Variants in CFAP61 observed in about 807,000 individuals in gnomAD.
The protein encoded by CFAP61 is cilia- and flagella-associated protein 61.
Under a neutral mutation model 135.6 loss-of-function variants are expected in CFAP61, and 107 were observed. The ratio of observed to expected loss-of-function variants is 0.79; its 90% confidence interval spans 0.67 to 0.93. The LOEUF (loss-of-function observed/expected upper bound fraction) is 0.93, where lower values mean the gene tolerates loss of function less well. Among genes scored for constraint, CFAP61 ranks in the 40% least tolerant of loss-of-function variants. The pLI is 0.00. For synonymous variants in CFAP61, 575 were observed against 578.5 expected (o/e 0.99, Z 0.09); for missense variants, 1,507 against 1,556.2 (o/e 0.97, Z 0.53).
At chr20:20,318,650 A>G (rs1308991785) in intron 25 of CFAP61, among the ~76,000 whole-genome samples, 6 of 152,110 alleles carry the variant, frequency 3.9e-5, no homozygotes, top group African/African-American at 1.4e-4. Context: ...TATTTAGAGG[A>G]TAGAGCACCC....
chr20:20,326,362 A>G (rs1393668652), intron 25 of CFAP61, among the ~76,000 whole-genome samples: 2 of 152,208 alleles, frequency 1.3e-5, no homozygotes, highest in Non-Finnish European at 2.9e-5. Context: ...TCTAACAAAG[A>G]AGAATAACAA....
Position 20,196,618 on chromosome 20 carries a change from T to G in CFAP61, c.1639T>G (p.Phe547Val). Residue 547 changes from phenylalanine (F) to valine (V), a missense_variant, in exon 16 of 27, where the codon TTC becomes GTC. By Grantham distance (50) the Phe-to-Val change is conservative. Transcript: ENST00000245957. Reference protein sequence around the residue: ...SHYNIEDFIYFSHHQREEHGH... With the variant: ...SHYNIEDFIYVSHHQREEHGH... Reference sequence around the variant, plus strand: ...TTACAACATTGAAGATTTCATCTACTTCAGTCACCACCAGCGCGAAGAACA... The same window carrying G: ...TTACAACATTGAAGATTTCATCTACGTCAGTCACCACCAGCGCGAAGAACA... 1 of 1,614,186 alleles carries G rather than the reference T, an allele frequency of 6.2e-7. No individual in the cohort carries two copies. Among genetic ancestry groups the G allele is most frequent in the Non-Finnish European group, 8.5e-7 (1 of 1,180,030 alleles).
At chr20:20,281,432 GTTTGT>G (rs1167022423) in intron 22 of CFAP61, among the ~76,000 whole-genome samples, 1 of 152,040 alleles carries the variant, frequency 6.6e-6, no homozygotes, top group Non-Finnish European at 1.5e-5. Flanking sequence ...TCCATTCCTA[GTTTGT>G]TTAGAGGTTT....
chr20:20,313,187 TTCTC>T (rs912837059), intron 25 of CFAP61, among the ~76,000 whole-genome samples: 17 of 152,178 alleles, frequency 1.1e-4, no homozygotes, highest in African/African-American at 2.4e-4. Flanking sequence ...CTGTCTCTGA[TTCTC>T]TCTCTATCTC....
chr20:20,110,715 T>A (rs1254662042), intron 8 of CFAP61, among the ~76,000 whole-genome samples: 1 of 152,114 alleles, frequency 6.6e-6, no homozygotes, highest in East Asian at 1.9e-4. Flanking sequence ...GAGCGCAGCA[T>A]AGAAGATGAG....
intron 2 of CFAP61, among the ~76,000 whole-genome samples, chr20:20,065,651 T>C (rs930546270): frequency 6.6e-6 from 1 of 150,972 alleles, no homozygotes; most frequent in African/African-American, 2.4e-5. Flanking sequence ...TTGTGGTCTG[T>C]GTGTTTGGTT....
intron 26 of CFAP61, among the ~76,000 whole-genome samples, chr20:20,355,978 T>C (rs1437427914): frequency 2.0e-4 from 2 of 9,774 alleles, no homozygotes; most frequent in Non-Finnish European, 2.8e-3. Context: ...GATCACACTG[T>C]GAGGGGACGT....
intron 25 of CFAP61, among the ~76,000 whole-genome samples, chr20:20,308,996 C>A (rs2056651135): frequency 6.6e-6 from 1 of 152,156 alleles, no homozygotes; most frequent in African/African-American, 2.4e-5. Flanking sequence ...GTTGTTGGAA[C>A]TGTGAAAATA....
intron 7 of CFAP61, among the ~76,000 whole-genome samples, chr20:20,097,235 T>C (rs1441398039): frequency 6.6e-6 from 1 of 152,144 alleles, no homozygotes; most frequent in African/African-American, 2.4e-5. Flanking sequence ...AGAATGCCTG[T>C]GATTATTGAG....
intron 10 of CFAP61, among the ~76,000 whole-genome samples, chr20:20,160,914 G>T (rs187846708): frequency 6.4e-4 from 98 of 152,292 alleles, no homozygotes; most frequent in African/African-American, 2.3e-3. Flanking sequence ...GGACCACTCT[G>T]CACTGTGTTC....
intron 13 of CFAP61, chr20:20,171,785 A>G (rs765193513): frequency 1.6e-5 from 11 of 708,648 alleles, no homozygotes; most frequent in African/African-American, 5.3e-5. Flanking sequence ...ATGTAGAAAC[A>G]TTTGTCTGGG....
chr20:20,331,206 T>C (rs1449487776), intron 25 of CFAP61, among the ~76,000 whole-genome samples: 1 of 152,240 alleles, frequency 6.6e-6, no homozygotes. Flanking sequence ...GTTTATTTAC[T>C]CATTCATTCA....
chr20:20,090,802 ATGAG>A, intron 6 of CFAP61, 38 bp from the exon 7 acceptor site: 1 of 1,607,412 alleles, frequency 6.2e-7, no homozygotes, highest in Non-Finnish European at 8.5e-7. Flanking sequence ...AAGGAAAAAA[ATGAG>A]TGAACGAACA....
chr20:20,348,619 G>T (rs899962403), intron 26 of CFAP61, among the ~76,000 whole-genome samples: 1 of 145,550 alleles, frequency 6.9e-6, no homozygotes, highest in Non-Finnish European at 1.5e-5. Flanking sequence ...GAACCCAGGA[G>T]GTAGAGGTTG....
intron 17 of CFAP61, among the ~76,000 whole-genome samples, chr20:20,223,236 T>C (rs988049669): frequency 1.3e-5 from 2 of 152,224 alleles, no homozygotes; most frequent in Non-Finnish European, 2.9e-5. Context: ...AAAGACTGGT[T>C]CCCATGTTTG....
chr20:20,312,733 G>C (rs1467700615), intron 25 of CFAP61, among the ~76,000 whole-genome samples: 1 of 152,170 alleles, frequency 6.6e-6, no homozygotes, highest in Non-Finnish European at 1.5e-5. Flanking sequence ...AGACGAATAA[G>C]ATGAAAATGA....
At chr20:20,257,183 A>G (rs1200353718) in intron 20 of CFAP61, among the ~76,000 whole-genome samples, 9 of 152,254 alleles carry the variant, frequency 5.9e-5, no homozygotes, top group Non-Finnish European at 1.5e-5. Flanking sequence ...GTGGTGATTC[A>G]GTAATTATGT....
intron 2 of CFAP61, among the ~76,000 whole-genome samples, chr20:20,060,133 T>A (rs1039069241): frequency 6.6e-6 from 1 of 151,908 alleles, no homozygotes; most frequent in Non-Finnish European, 1.5e-5. Flanking sequence ...AATAGATTTC[T>A]TAGGAGCCAC....
chr20:20,306,360 TGTTA>T (rs2056477451), intron 25 of CFAP61, among the ~76,000 whole-genome samples: 1 of 152,208 alleles, frequency 6.6e-6, no homozygotes, highest in Non-Finnish European at 1.5e-5. Context: ...TGGCATATCA[TGTTA>T]GTTAGGACTT....
Sources: gnomAD v4.1 joint callset for allele counts (sites outside exome capture counted in the v4.1 genomes callset) on GRCh38, gnomAD v4.1.1 for gene constraint, MANE v1.5 for transcripts, NCBI Gene and HGNC (gene_info 2026-07-23, HGNC 2026-07-21) for gene names.